Variants in BST1 observed in about 807,000 individuals in gnomAD.
The protein encoded by BST1 is ADP-ribosyl cyclase/cyclic ADP-ribose hydrolase 2.
A neutral mutation model predicts 40.6 loss-of-function variants in BST1; 49 were observed. The observed-to-expected ratio is 1.21, with a 90% CI of 0.96 to 1.53. BST1 has a LOEUF of 1.53. Ranked by LOEUF, BST1 falls within the 40% of genes most tolerant of loss-of-function variation. The pLI, the probability that BST1 is intolerant of heterozygous loss-of-function variation, is 0.00. For synonymous variants in BST1, 157 were observed against 159.3 expected (o/e 0.99, Z 0.11); for missense variants, 423 against 395.9 (o/e 1.07, Z -0.58).
intron 8 of BST1, among the ~76,000 whole-genome samples, chr4:15,730,225 G>A (rs1721305225): frequency 6.6e-6 from 1 of 152,184 alleles, no homozygotes; most frequent in Non-Finnish European, 1.5e-5. Flanking sequence ...AGAGCCATGG[G>A]ATATATTTCC....
intron 1 of BST1, among the ~76,000 whole-genome samples, chr4:15,705,138 G>A (rs1322278663): frequency 1.4e-5 from 2 of 147,080 alleles, no homozygotes; most frequent in Non-Finnish European, 3.0e-5. Flanking sequence ...GGCCTCACCT[G>A]GTCCCCGAGC....
At chr4:15,760,421 A>G in the BST1 span, among the ~76,000 whole-genome samples, 2 of 151,754 alleles carry the variant, frequency 1.3e-5, no homozygotes, top group Non-Finnish European at 2.9e-5. Flanking sequence ...ATATGTTTTC[A>G]TATCTCTTGG....
At chr4:15,757,507 C>T in the BST1 span, among the ~76,000 whole-genome samples, 8 of 150,758 alleles carry the variant, frequency 5.3e-5, no homozygotes, top group Non-Finnish European at 8.8e-5. Flanking sequence ...ACCCCCACCC[C>T]GCCCCGCAGA....
At chr4:15,757,934 G>A in the BST1 span, among the ~76,000 whole-genome samples, 7 of 151,820 alleles carry the variant, frequency 4.6e-5, no homozygotes, top group South Asian at 2.1e-4. Context: ...GAGCCACCGC[G>A]CCCGGTGGGA....
At chr4:15,771,155 C>T in the BST1 span, among the ~76,000 whole-genome samples, 2 of 152,188 alleles carry the variant, frequency 1.3e-5, no homozygotes, top group African/African-American at 4.8e-5. Flanking sequence ...ACAAATAAGT[C>T]TGCAATAATG....
chr4:15,773,905 GT>G, the BST1 span, among the ~76,000 whole-genome samples: 2 of 152,040 alleles, frequency 1.3e-5, no homozygotes, highest in Non-Finnish European at 1.5e-5. Flanking sequence ...CTTCCCTGAC[GT>G]TTTTTTCTCC....
At chr4:15,708,299 A>G (rs993144836) in intron 3 of BST1, among the ~76,000 whole-genome samples, 1 of 152,192 alleles carries the variant, frequency 6.6e-6, no homozygotes, top group Non-Finnish European at 1.5e-5. Context: ...GCTGGCCTGA[A>G]TGTTCTGCAA....
In BST1 at chr4:15,707,522, G is replaced by A. The variant is rs1192658973; in HGVS notation, c.327G>A (p.Trp109Ter). The change falls in exon 3 of 9, where the codon TGG becomes TGA. Residue 109 changes from tryptophan to a stop codon, truncating the protein, a stop_gained. Transcript: ENST00000265016. LOFTEE classifies it high-confidence loss of function. ...HSIPRDKSLF[W>*]ENSHLLVNSF... ...TTGTCTTTCCTTAGTCCCTGTTCTG[G>A]GAAAATAGCCACCTCCTTGTTAACA... is the stretch of plus-strand genomic sequence containing the variant. 8.1e-6 allele frequency: 13 copies of A among 1,613,914 alleles called. No homozygotes were observed. The highest frequency in any genetic ancestry group is 1.0e-5 in the Non-Finnish European group (12 of 1,179,950).
chr4:15,709,188 A>G (rs915434474), intron 3 of BST1, among the ~76,000 whole-genome samples: 2 of 152,156 alleles, frequency 1.3e-5, no homozygotes, highest in Non-Finnish European at 2.9e-5. Context: ...AAAGTGTTGC[A>G]TTTTTACCTA....
intron 8 of BST1, among the ~76,000 whole-genome samples, chr4:15,728,762 C>G (rs1721243503): frequency 6.6e-6 from 1 of 151,622 alleles, no homozygotes; most frequent in Admixed American, 6.6e-5. Flanking sequence ...TCTCCTGCCT[C>G]AGCCTGCCAA....
At chr4:15,733,504 G>A (rs1313649064), downstream of BST1, among the ~76,000 whole-genome samples, 2 of 152,326 alleles carry the variant, frequency 1.3e-5, no homozygotes, top group East Asian at 3.9e-4. Flanking sequence ...CAATCCTTTA[G>A]CTAGACAGAA....
chr4:15,743,600 A>G, the BST1 span: 2 of 320,330 alleles, frequency 6.2e-6, no homozygotes, highest in Non-Finnish European at 1.2e-5. Context: ...CCTCTGCGGG[A>G]AGCTCTTCCT....
chr4:15,766,236 T>C, the BST1 span, among the ~76,000 whole-genome samples: 1 of 152,104 alleles, frequency 6.6e-6, no homozygotes, highest in East Asian at 1.9e-4. Flanking sequence ...GATACGAGCT[T>C]GTAATCCAGA....
At chr4:15,726,313 T>C (rs1174943661) in intron 8 of BST1, among the ~76,000 whole-genome samples, 1 of 151,786 alleles carries the variant, frequency 6.6e-6, no homozygotes. Flanking sequence ...TGCAACTCGG[T>C]AGACACTTAG....
At chr4:15,737,889 T>C in exon 7 of BST1, 1 of 1,137,676 alleles carries the variant, frequency 8.8e-7, no homozygotes, top group South Asian at 1.3e-5. Context: ...CTCCAGAGGC[T>C]CTGGCAAGAG....
At chr4:15,742,825 C>G (rs1396391641), downstream of BST1, among the ~76,000 whole-genome samples, 1 of 152,198 alleles carries the variant, frequency 6.6e-6, no homozygotes, top group Non-Finnish European at 1.5e-5. Flanking sequence ...GCAGAATGCA[C>G]CTCGAACTGA....
intron 8 of BST1, among the ~76,000 whole-genome samples, chr4:15,724,594 G>A (rs1202811040): frequency 3.3e-5 from 5 of 152,168 alleles, no homozygotes; most frequent in Admixed American, 2.0e-4. Context: ...GCTGAGGCAG[G>A]AGAATCACTT....
chr4:15,725,950 T>A lies in BST1; in HGVS notation c.851+3016T>A, dbSNP rs1577591273. On this transcript the variant is annotated intron_variant, in intron 8 of 8. Transcript: ENST00000265016. ...TGACCTACTTGTGAAGTGCGGTCTT[T>A]TTTTTTTTTTTTTTTTTTTTTTGAG... Among the ~76,000 whole-genome samples the A allele has an allele frequency of 5.5e-5, 6 of 109,202 alleles. No individual in the cohort carries two copies. In the East Asian group the frequency reaches 2.5e-3, roughly 46 times the overall value. 71.6% of individuals were successfully genotyped at this position (109,202 alleles called of 152,430 possible).
chr4:15,772,423 C>T, the BST1 span, among the ~76,000 whole-genome samples: 795 of 152,316 alleles, frequency 5.2e-3, 4 homozygotes, highest in Non-Finnish European at 6.2e-3. Flanking sequence ...CCACATTTCT[C>T]AGTCATTCAC....
Sources: gnomAD v4.1 joint callset for allele counts (sites outside exome capture counted in the v4.1 genomes callset) on GRCh38, gnomAD v4.1.1 for gene constraint, MANE v1.5 for transcripts, NCBI Gene and HGNC (gene_info 2026-07-23, HGNC 2026-07-21) for gene names.